The following ROBO1 variants were observed in gnomAD, a reference collection of about 807,000 sequenced individuals.
The protein encoded by ROBO1 is roundabout homolog 1.
Under a neutral mutation model 195.9 loss-of-function variants are expected in ROBO1, and 149 were observed. The observed-to-expected ratio is 0.76, with a 90% confidence interval of 0.67 to 0.87. ROBO1 has a LOEUF of 0.87. Among genes scored for constraint, ROBO1 ranks in the 40% least tolerant of loss-of-function variants. The pLI is 0.00. For missense variants in ROBO1, 1,933 were observed against 2,068.3 expected (o/e 0.93, Z 1.27); for synonymous variants, 816 against 733.2 (o/e 1.11, Z -1.82).
intron 2 of ROBO1, among the ~76,000 whole-genome samples, chr3:79,280,936 C>T (rs1239587358): frequency 6.6e-6 from 1 of 152,120 alleles, no homozygotes; most frequent in African/African-American, 2.4e-5. Flanking sequence ...GACCTGGTTC[C>T]TAACAGTTTA....
intron 2 of ROBO1, among the ~76,000 whole-genome samples, chr3:79,233,980 T>C (rs2082363377): frequency 6.6e-6 from 1 of 152,078 alleles, no homozygotes; most frequent in African/African-American, 2.4e-5. Flanking sequence ...TGTCCACTTG[T>C]ACGTCTTCTT....
At chr3:78,828,272 A>AT (rs34003147) in intron 4 of ROBO1, among the ~76,000 whole-genome samples, 36,993 of 152,040 alleles carry the variant, frequency 0.24, 4,710 homozygotes, top group East Asian at 0.49. Context: ...CATGTTACAC[A>AT]TATTTAATCT....
At chr3:79,330,706 C>A (rs1423273163) in intron 2 of ROBO1, among the ~76,000 whole-genome samples, 1 of 149,456 alleles carries the variant, frequency 6.7e-6, no homozygotes, top group Non-Finnish European at 1.5e-5. Context: ...CTTGCAACCC[C>A]TGCTGTAGAC....
At chr3:78,843,898 C>T (rs544784061) in intron 4 of ROBO1, among the ~76,000 whole-genome samples, 2 of 152,196 alleles carry the variant, frequency 1.3e-5, no homozygotes, top group East Asian at 3.9e-4. Context: ...TAATTCCCCA[C>T]ATTTATTTCA....
chr3:79,276,963 A>G (rs1182445935), intron 2 of ROBO1, among the ~76,000 whole-genome samples: 1 of 152,072 alleles, frequency 6.6e-6, no homozygotes, highest in African/African-American at 2.4e-5. Context: ...AAAGGTAGAC[A>G]ATAATAAATG....
intron 2 of ROBO1, among the ~76,000 whole-genome samples, chr3:79,158,988 T>C (rs1399041026): frequency 1.3e-5 from 2 of 151,970 alleles, no homozygotes; most frequent in Non-Finnish European, 2.9e-5. Flanking sequence ...AGATAAGATA[T>C]TAATGCATGA....
chr3:79,190,619 T>C (rs2081523722), intron 2 of ROBO1, among the ~76,000 whole-genome samples: 1 of 151,614 alleles, frequency 6.6e-6, no homozygotes, highest in East Asian at 1.9e-4. Flanking sequence ...ATTTCTGTTT[T>C]GCATTTTTCT....
At chr3:78,780,611 G>A (rs1037735628) in intron 4 of ROBO1, among the ~76,000 whole-genome samples, 7 of 152,000 alleles carry the variant, frequency 4.6e-5, no homozygotes, top group African/African-American at 1.7e-4. Flanking sequence ...CTCACCCTGT[G>A]GAAACTCTTT....
At chr3:78,895,751 T>C (rs1242440994) in intron 4 of ROBO1, among the ~76,000 whole-genome samples, 6 of 152,224 alleles carry the variant, frequency 3.9e-5, no homozygotes, top group Non-Finnish European at 7.3e-5. Context: ...ATTCTCAACA[T>C]AATTTCTTTT....
At chr3:79,244,092 G>A (rs1230353160) in intron 2 of ROBO1, among the ~76,000 whole-genome samples, 3 of 152,020 alleles carry the variant, frequency 2.0e-5, no homozygotes, top group Non-Finnish European at 4.4e-5. Flanking sequence ...GCAATCCTAC[G>A]AAGCAGGTAG....
At chr3:79,248,302 A>G (rs780597063) in intron 2 of ROBO1, among the ~76,000 whole-genome samples, 24 of 151,028 alleles carry the variant, frequency 1.6e-4, no homozygotes, top group Non-Finnish European at 3.2e-4. Flanking sequence ...CACACAATGG[A>G]AAACCCTGGG....
chr3:78,627,954 CT>C (rs11445603), intron 25 of ROBO1, among the ~76,000 whole-genome samples: 2,295 of 143,354 alleles, frequency 0.016, 20 homozygotes, highest in African/African-American at 0.023. Flanking sequence ...AAAAATTACT[CT>C]TTTTTTTTTT....
At chr3:79,022,381 G>C (rs191588130) in intron 3 of ROBO1, among the ~76,000 whole-genome samples, 3 of 152,254 alleles carry the variant, frequency 2.0e-5, no homozygotes, top group Admixed American at 6.5e-5. Context: ...CTTCAGGGTG[G>C]AATCTGTCTG....
At chr3:79,523,802 A>C (rs1431807591) in intron 2 of ROBO1, among the ~76,000 whole-genome samples, 2 of 152,178 alleles carry the variant, frequency 1.3e-5, no homozygotes, top group Non-Finnish European at 2.9e-5. Flanking sequence ...TGCAAAATGC[A>C]TCTAAAAGAG....
chr3:79,219,794 T>A (rs2082107289), intron 2 of ROBO1, among the ~76,000 whole-genome samples: 1 of 152,086 alleles, frequency 6.6e-6, no homozygotes, highest in African/African-American at 2.4e-5. Flanking sequence ...ACATGAATGA[T>A]TCTTTCTTAG....
At chr3:79,642,465 A>C (rs932432516) in intron 1 of ROBO1, among the ~76,000 whole-genome samples, 2 of 152,156 alleles carry the variant, frequency 1.3e-5, no homozygotes, top group Admixed American at 1.3e-4. Context: ...TAACTACCCC[A>C]AAAATATAAT....
At chr3:79,214,921 A>T (rs1252255484) in intron 2 of ROBO1, among the ~76,000 whole-genome samples, 1 of 151,554 alleles carries the variant, frequency 6.6e-6, no homozygotes, top group Non-Finnish European at 1.5e-5. Context: ...TTGTTTGTGA[A>T]TGCTGTACAA....
At chr3:78,771,590 C>T (rs1455411512) in intron 4 of ROBO1, among the ~76,000 whole-genome samples, 2 of 152,080 alleles carry the variant, frequency 1.3e-5, no homozygotes, top group East Asian at 1.9e-4. Flanking sequence ...TTTTTTGGAT[C>T]TCCTTGTTGA....
chr3:79,139,764 T>C (rs1164438580), intron 2 of ROBO1, among the ~76,000 whole-genome samples: 2 of 152,184 alleles, frequency 1.3e-5, no homozygotes, highest in East Asian at 3.9e-4. Context: ...ACTTTTTTTG[T>C]TATTCTCTCC....
Sources: allele counts gnomAD v4.1 joint callset (sites outside exome capture counted in the v4.1 genomes callset), GRCh38; gene constraint gnomAD v4.1.1; transcripts MANE v1.5; gene names NCBI Gene and HGNC (gene_info 2026-07-23, HGNC 2026-07-21).